The following LRRC38 variants were observed in gnomAD, a reference collection of about 807,000 sequenced individuals.
The protein encoded by LRRC38 is leucine rich repeat containing 38, also known as leucine-rich repeat-containing protein 38.
In LRRC38, 5 loss-of-function variants were observed where a neutral mutation model predicts 16.4. The observed-to-expected ratio is 0.31, with a 90% CI of 0.16 to 0.64. The LOEUF (loss-of-function observed/expected upper bound fraction) is 0.64. Ranked by LOEUF, LRRC38 falls within the 30% of genes least tolerant of loss-of-function variation. The probability of loss-of-function intolerance (pLI) is 0.80; values close to 1 mark genes in which losing one functional copy is unlikely to be tolerated. For missense variants in LRRC38, 341 were observed against 401.8 expected, an observed-to-expected ratio of 0.85 and a Z score of 1.29; for synonymous variants, 191 against 190.2, an observed-to-expected ratio of 1.00 and a Z score of -0.04.
intron 1 of LRRC38, among the ~76,000 whole-genome samples, chr1:13,477,157 C>T (rs1638797269): frequency 6.6e-6 from 1 of 152,142 alleles, no homozygotes; most frequent in Non-Finnish European, 1.5e-5. Context: ...CAGACTTGAA[C>T]TTGTACTTCT....
chr1:13,506,103 G>T (rs559955023), intron 1 of LRRC38, among the ~76,000 whole-genome samples: 1 of 152,144 alleles, frequency 6.6e-6, no homozygotes. Context: ...GTCAGGCAGT[G>T]GTCACAGGAT....
intron 1 of LRRC38, 77 bp downstream of exon 1, chr1:13,512,886 C>T: frequency 1.4e-6 from 2 of 1,433,490 alleles, no homozygotes; most frequent in Non-Finnish European, 1.9e-6. Flanking sequence ...CACGGCTCCT[C>T]CCACCCAGAC....
chr1:13,486,099 C>T (rs1211929715), intron 1 of LRRC38, among the ~76,000 whole-genome samples: 2 of 152,022 alleles, frequency 1.3e-5, no homozygotes, highest in Admixed American at 6.6e-5. Context: ...CCACCACGCC[C>T]GGCTAATTTT....
intron 1 of LRRC38, among the ~76,000 whole-genome samples, chr1:13,505,641 GATA>G (rs1639203702): frequency 6.6e-6 from 1 of 152,296 alleles, no homozygotes; most frequent in Admixed American, 6.5e-5. Flanking sequence ...GTATGAATTT[GATA>G]ATGTCAACCT....
At chr1:13,498,499 T>C (rs554054105) in intron 1 of LRRC38, among the ~76,000 whole-genome samples, 8 of 152,012 alleles carry the variant, frequency 5.3e-5, no homozygotes, top group Non-Finnish European at 1.0e-4. Flanking sequence ...GGCGTGGTGG[T>C]GCATGCCTGT....
At chr1:13,479,960 G>A (rs147648468) in intron 1 of LRRC38, among the ~76,000 whole-genome samples, 207 of 152,224 alleles carry the variant, frequency 1.4e-3, no homozygotes, top group Non-Finnish European at 2.6e-3. Context: ...TTTGACATAG[G>A]GGCCGTCCTG....
intron 1 of LRRC38, among the ~76,000 whole-genome samples, chr1:13,509,777 T>C (rs1001960027): frequency 2.0e-5 from 3 of 152,076 alleles, no homozygotes; most frequent in Non-Finnish European, 4.4e-5. Context: ...CACTCTTTGT[T>C]TATAAGAGAA....
chr1:13,485,485 A>G (rs1638921031), intron 1 of LRRC38, among the ~76,000 whole-genome samples: 1 of 151,828 alleles, frequency 6.6e-6, no homozygotes, highest in Admixed American at 6.6e-5. Flanking sequence ...GGAGAATGGC[A>G]TGAACTCGGG....
intron 1 of LRRC38, among the ~76,000 whole-genome samples, chr1:13,479,253 T>C (rs553890244): frequency 1.3e-5 from 2 of 152,222 alleles, no homozygotes; most frequent in South Asian, 2.1e-4. Flanking sequence ...AAAAACGTTA[T>C]GAAAATAAGT....
chr1:13,486,720 A>G lies in LRRC38; in HGVS notation c.632-10621T>C, dbSNP rs779837542. Among the ~76,000 whole-genome samples the G allele has an allele frequency of 1.1e-3, 162 of 151,618 alleles. 1 individual carries two copies. Among genetic ancestry groups the G allele is most frequent in the Non-Finnish European group, 1.3e-3 (88 of 67,918 alleles). ...ATCTTCCCACCTCAGCCTCTCAAGT[A>G]ACTGGGGTTACAGGCACACACCACC... is the stretch of plus-strand genomic sequence containing the variant. On this transcript the variant is annotated intron_variant, in intron 1 of 1. Coordinates refer to ENST00000376085, the MANE Select transcript of LRRC38 (RefSeq NM_001010847.2).
chr1:13,476,128 G>A (rs754908143), intron 1 of LRRC38, 29 bp from the exon 2 acceptor site: 13 of 1,545,370 alleles, frequency 8.4e-6, no homozygotes, highest in Non-Finnish European at 1.1e-5. Context: ...AGGAGAGAGA[G>A]ATTTAGACTG....
chr1:13,512,924 C>CCCCG, intron 1 of LRRC38, 39 bp downstream of exon 1: 2 of 1,215,338 alleles, frequency 1.6e-6, no homozygotes, highest in South Asian at 1.4e-5. Context: ...TCTCCCTGCC[C>CCCCG]CCCTCCCTCC....
At chr1:13,478,762 G>C (rs553097328) in intron 1 of LRRC38, among the ~76,000 whole-genome samples, 6 of 152,130 alleles carry the variant, frequency 3.9e-5, no homozygotes, top group East Asian at 3.9e-4. Flanking sequence ...CAACCACCCT[G>C]GGGGGGTTTG....
intron 1 of LRRC38, among the ~76,000 whole-genome samples, chr1:13,489,072 A>G (rs1569919693): frequency 6.6e-6 from 1 of 152,138 alleles, no homozygotes; most frequent in African/African-American, 2.4e-5. Context: ...ACAGTAAAAT[A>G]CCCTGCAGCC....
chr1:13,491,895 C>T (rs960803030), intron 1 of LRRC38, among the ~76,000 whole-genome samples: 5 of 152,170 alleles, frequency 3.3e-5, no homozygotes, highest in African/African-American at 4.8e-5. Flanking sequence ...AGGCTGGTCT[C>T]GAACTCCTGA....
chr1:13,484,848 G>A (rs1638911751), intron 1 of LRRC38, among the ~76,000 whole-genome samples: 2 of 152,192 alleles, frequency 1.3e-5, no homozygotes, highest in African/African-American at 4.8e-5. Context: ...ATCCTGGTTC[G>A]CAGATAAGCA....
intron 1 of LRRC38, among the ~76,000 whole-genome samples, chr1:13,500,988 C>G (rs988854214): frequency 6.6e-6 from 1 of 152,038 alleles, no homozygotes; most frequent in African/African-American, 2.4e-5. Context: ...ATTCTATGAT[C>G]GTGAAGGATT....
intron 1 of LRRC38, among the ~76,000 whole-genome samples, chr1:13,498,489 G>C (rs559926076): frequency 6.6e-6 from 1 of 152,088 alleles, no homozygotes; most frequent in South Asian, 2.1e-4. Flanking sequence ...AAATTACCCA[G>C]GCGTGGTGGT....
chr1:13,483,955 G>A (rs965363722), intron 1 of LRRC38, among the ~76,000 whole-genome samples: 1 of 151,596 alleles, frequency 6.6e-6, no homozygotes, highest in Admixed American at 6.6e-5. Context: ...GGGGAGGGGA[G>A]GGGAGAGGAG....
Sources: allele counts gnomAD v4.1 joint callset (sites outside exome capture counted in the v4.1 genomes callset), GRCh38; gene constraint gnomAD v4.1.1; transcripts MANE v1.5; gene names NCBI Gene and HGNC (gene_info 2026-07-23, HGNC 2026-07-21).